HDAC4: variants seen among roughly 807,000 people sequenced by gnomAD.
The protein encoded by HDAC4 is histone deacetylase 4.
HDAC4 carries 16 observed loss-of-function variants against 135.1 expected under a neutral mutation model. The ratio of observed to expected loss-of-function variants is 0.12; its 90% confidence interval spans 0.08 to 0.18. The LOEUF (loss-of-function observed/expected upper bound fraction) is 0.18, where lower values mean the gene tolerates loss of function less well. Among genes scored for constraint, HDAC4 ranks in the 10% least tolerant of loss-of-function variants. The pLI is 1.00. For synonymous variants in HDAC4, 685 were observed against 653.4 expected (o/e 1.05, Z -0.74); for missense variants, 1,143 against 1,511.8 (o/e 0.76, Z 4.05).
intron 4 of HDAC4, among the ~76,000 whole-genome samples, chr2:239,189,169 T>C (rs950848807): frequency 1.3e-5 from 2 of 152,240 alleles, no homozygotes; most frequent in African/African-American, 4.8e-5. Context: ...CTCATGTATA[T>C]TTCTATTAGA....
chr2:239,123,183 A>G (rs1340577204), intron 12 of HDAC4, among the ~76,000 whole-genome samples: 1 of 152,234 alleles, frequency 6.6e-6, no homozygotes, highest in Admixed American at 6.5e-5. Context: ...TCACTCAGAT[A>G]ATGACATAAT....
chr2:239,140,658 G>A (rs545764665), intron 8 of HDAC4, among the ~76,000 whole-genome samples: 29 of 152,338 alleles, frequency 1.9e-4, no homozygotes, highest in Admixed American at 3.9e-4. Context: ...GTTCAGCAAC[G>A]ACTCTGGGTG....
At chr2:239,301,310 G>A (rs1400123190) in intron 2 of HDAC4, among the ~76,000 whole-genome samples, 11 of 152,252 alleles carry the variant, frequency 7.2e-5, no homozygotes, top group South Asian at 2.1e-4. Context: ...TGACCCTGCC[G>A]TGAACATTCC....
chr2:239,214,626 G>A (rs1045993539), intron 3 of HDAC4, among the ~76,000 whole-genome samples: 6 of 152,156 alleles, frequency 3.9e-5, no homozygotes, highest in African/African-American at 9.7e-5. Context: ...GGCTCGCCAC[G>A]CGTGGCAATG....
intron 22 of HDAC4, among the ~76,000 whole-genome samples, chr2:239,078,231 CT>C (rs1338994788): frequency 2.0e-5 from 3 of 152,222 alleles, no homozygotes; most frequent in Non-Finnish European, 4.4e-5. Context: ...TTAAGGTTCC[CT>C]TTTCTCCTAC....
At chr2:239,079,043 T>G (rs973891012) in intron 22 of HDAC4, among the ~76,000 whole-genome samples, 1 of 152,196 alleles carries the variant, frequency 6.6e-6, no homozygotes, top group Non-Finnish European at 1.5e-5. Flanking sequence ...CCTCTTATGG[T>G]GGCCAGAGAC....
chr2:239,192,057 G>C (rs1359487044), intron 3 of HDAC4, among the ~76,000 whole-genome samples: 3 of 152,196 alleles, frequency 2.0e-5, no homozygotes, highest in Non-Finnish European at 2.9e-5. Context: ...GTTTTTAATT[G>C]GGTGTCGACT....
chr2:239,394,085 G>A (rs913539556), intron 1 of HDAC4, among the ~76,000 whole-genome samples: 1 of 149,322 alleles, frequency 6.7e-6, no homozygotes, highest in African/African-American at 2.5e-5. Context: ...ACCAGATGAT[G>A]GGCCATTCCC....
intron 9 of HDAC4, among the ~76,000 whole-genome samples, chr2:239,135,489 CAAACACTTTTG>C (rs1163762167): frequency 6.6e-6 from 1 of 152,196 alleles, no homozygotes; most frequent in African/African-American, 2.4e-5. Flanking sequence ...AACAAATTGG[CAAACACTTTTG>C]AAACATGGTA....
chr2:239,109,524 G>C (rs959700348), intron 14 of HDAC4, among the ~76,000 whole-genome samples: 1 of 151,994 alleles, frequency 6.6e-6, no homozygotes, highest in Non-Finnish European at 1.5e-5. Flanking sequence ...AGCCTCTTGT[G>C]AGTCAGGCTA....
intron 3 of HDAC4, among the ~76,000 whole-genome samples, chr2:239,218,829 A>C (rs1057180281): frequency 2.0e-5 from 3 of 150,474 alleles, no homozygotes; most frequent in Admixed American, 6.6e-5. Flanking sequence ...GACACTTCTC[A>C]AAAGAAGACA....
At chr2:239,195,350 T>C (rs757825298) in intron 3 of HDAC4, among the ~76,000 whole-genome samples, 3 of 152,206 alleles carry the variant, frequency 2.0e-5, no homozygotes, top group Admixed American at 6.5e-5. Flanking sequence ...ATGCTGCATT[T>C]ATGTTGGATT....
Position 239,374,332 on chromosome 2 carries a change from T to C in HDAC4, c.-219-21414A>G, listed in dbSNP as rs555164343. On this transcript the variant is annotated intron_variant, in intron 1 of 26. Transcript: ENST00000543185. ...GAAATGACAATGATGCCGACAATGATGACGAGGGTGACCAGGAGAGGAGGA... is the reference window on the plus strand; with the variant it reads ...GAAATGACAATGATGCCGACAATGACGACGAGGGTGACCAGGAGAGGAGGA... 1.9e-4 allele frequency among the ~76,000 whole-genome samples: 28 copies of C among 146,946 alleles called. No individual in the cohort carries two copies. In the South Asian group the frequency reaches 4.9e-3, roughly 26 times the overall value.
intron 12 of HDAC4, among the ~76,000 whole-genome samples, chr2:239,124,121 C>T (rs1010471830): frequency 5.3e-5 from 8 of 152,214 alleles, no homozygotes; most frequent in African/African-American, 1.4e-4. Context: ...TCAACTCATC[C>T]TCTTTCTTCC....
At chr2:239,160,627 T>C (rs1378134614) in intron 6 of HDAC4, among the ~76,000 whole-genome samples, 1 of 152,254 alleles carries the variant, frequency 6.6e-6, no homozygotes, top group Non-Finnish European at 1.5e-5. Context: ...CCCAAGCTGC[T>C]GCAGGCGCCA....
chr2:239,072,177 G>A (rs559790948), intron 22 of HDAC4, among the ~76,000 whole-genome samples: 5 of 152,194 alleles, frequency 3.3e-5, no homozygotes, highest in Admixed American at 6.5e-5. Flanking sequence ...CTCTGAGAAG[G>A]GCTCTTTTCA....
intron 24 of HDAC4, among the ~76,000 whole-genome samples, chr2:239,060,430 T>C (rs575933780): frequency 6.6e-6 from 1 of 152,090 alleles, no homozygotes; most frequent in Non-Finnish European, 1.5e-5. Context: ...GACAATCCAA[T>C]AGAAAAACGG....
intron 2 of HDAC4, among the ~76,000 whole-genome samples, chr2:239,247,514 G>A (rs532770218): frequency 4.0e-4 from 61 of 152,312 alleles, no homozygotes; most frequent in African/African-American, 1.4e-3. Flanking sequence ...CAGTGCCGCA[G>A]CCGGGGCCCG....
At chr2:239,099,277 A>G (rs2037395707) in intron 16 of HDAC4, among the ~76,000 whole-genome samples, 1 of 152,174 alleles carries the variant, frequency 6.6e-6, no homozygotes, top group Admixed American at 6.5e-5. Flanking sequence ...AAATGGATGA[A>G]GGTGTCAGGA....
Sources: allele counts gnomAD v4.1 joint callset (sites outside exome capture counted in the v4.1 genomes callset), GRCh38; gene constraint gnomAD v4.1.1; transcripts MANE v1.5; gene names NCBI Gene and HGNC (gene_info 2026-07-23, HGNC 2026-07-21).